TTN: variants seen among roughly 807,000 people sequenced by gnomAD.
TTN encodes connectin.
TTN carries 1,525 observed loss-of-function variants against 3,223.0 expected under a neutral mutation model. The observed-to-expected ratio is 0.47, with a 90% CI of 0.45 to 0.49. The LOEUF is 0.49. TTN is among the 20% of genes least tolerant of loss of function. TTN has a pLI of 0.00. For synonymous variants in TTN, 14,094 were observed against 15,161.0 expected, an observed-to-expected ratio of 0.93 and a Z score of 5.17; for missense variants, 40,786 against 43,424.0, an observed-to-expected ratio of 0.94 and a Z score of 5.40.
chr2:178,554,217 CTATT>C lies in TTN; in HGVS notation c.88895-5_88895-2del, dbSNP rs1346920803. ...GGTATGCCTGGTGGCCCAGGTGTAA[CTATT>C]TAGAAAGGAAGGGAAAACAAGGTAC... On this transcript the variant is annotated splice_acceptor_variant and splice_polypyrimidine_tract_variant and intron_variant, in intron 332 of 362. Transcript: ENST00000589042. LOFTEE classifies it high-confidence loss of function. The C allele has an allele frequency of 3.2e-6, 5 of 1,578,706 alleles. No individual in the cohort carries two copies. Among genetic ancestry groups the C allele is most frequent in the East Asian group, 2.2e-5 (1 of 44,632 alleles).
Position 178,678,479 on chromosome 2 carries a change from T to C in TTN, c.33845A>G (p.Lys11282Arg), listed in dbSNP as rs1283998479. 2 of 1,591,002 alleles carry C rather than the reference T, an allele frequency of 1.3e-6. No individual in the cohort carries two copies. The highest frequency in any genetic ancestry group is 2.3e-5 in the South Asian group (2 of 85,922). The change falls in exon 144 of 363, where the codon AAG becomes AGG. Residue 11282 changes from lysine to arginine, a missense_variant. Lys to Arg is a conservative substitution (Grantham distance 26). Coordinates refer to ENST00000589042, the MANE Select transcript of TTN (RefSeq NM_001267550.2). Reference protein sequence around the residue: ...PPAKVPEVPKKPVPEKKVPVP... With the variant: ...PPAKVPEVPKRPVPEKKVPVP... ...TGGCACCTTCTTCTCAGGCACAGGCTTCTTGGGTACCTCTGGCACTTTAAC... is the reference window on the plus strand; with the variant it reads ...TGGCACCTTCTTCTCAGGCACAGGCCTCTTGGGTACCTCTGGCACTTTAAC...
chr2:178,677,256 C>T lies in TTN; in HGVS notation c.34323G>A (p.Glu11441=). Residue 11441 remains glutamate (E), a synonymous_variant, in exon 147 of 363, where the codon GAG becomes GAA. Transcript: ENST00000589042. ...VPEVPKKPVP[E]KKVPVPAPKK... ...TAGGGGCGGGAACAGGGACTTTCTTCTCTGGTACAGGTTTCTTTGGCACTT... is the reference window on the plus strand; with the variant it reads ...TAGGGGCGGGAACAGGGACTTTCTTTTCTGGTACAGGTTTCTTTGGCACTT... The T allele has an allele frequency of 8.2e-7, 1 of 1,217,740 alleles. No individual in the cohort carries two copies. Among genetic ancestry groups the T allele is most frequent in the Non-Finnish European group, 1.0e-6 (1 of 981,062 alleles). 75.4% of individuals were successfully genotyped at this position (1,217,740 alleles called of 1,614,324 possible).
At position 178,587,596 on chromosome 2, in the gene TTN, C is replaced by T. The variant is rs544396866; in HGVS notation, c.63713G>A (p.Arg21238His). The T allele has an allele frequency of 1.2e-5, 19 of 1,612,534 alleles. No homozygotes were observed. The South Asian group carries it at 1.3e-4, about 11-fold the overall frequency. Residue 21238 changes from arginine to histidine, a missense_variant, in exon 306 of 363, where the codon CGT becomes CAT. By Grantham distance (29) the Arg-to-His change is conservative (BLOSUM62 0). Coordinates refer to ENST00000589042, the MANE Select transcript of TTN (RefSeq NM_001267550.2). ...TAAGGAATATTTTCCTGAGTCATCACGGGTAGAATTGGGGATGACAAGGAA... is the reference window on the plus strand; with the variant it reads ...TAAGGAATATTTTCCTGAGTCATCATGGGTAGAATTGGGGATGACAAGGAA... ...MAFLVIPNST[R>H]DDSGKYSLTL...
chr2:178,752,814 G>A (rs547426236), intron 47 of TTN, among the ~76,000 whole-genome samples: 12 of 151,968 alleles, frequency 7.9e-5, no homozygotes, highest in Non-Finnish European at 1.5e-4. Context: ...TCTACTTCAT[G>A]ATTTCATGCA....
At chr2:178,619,588 A>C (rs577437563) in intron 250 of TTN, 33 bp downstream of exon 250, 1 of 1,600,216 alleles carries the variant, frequency 6.2e-7, no homozygotes, top group African/African-American at 1.4e-5. Flanking sequence ...ACTCTGTGAT[A>C]TTGGAAGGAT....
rs773592810 is a variant in TTN, at chr2:178,576,727, C to T, written c.69517G>A (p.Gly23173Arg). 43 of 1,613,378 alleles carry T rather than the reference C, an allele frequency of 2.7e-5. No individual in the cohort carries two copies. Among genetic ancestry groups the T allele is most frequent in the Non-Finnish European group, 3.6e-5 (42 of 1,179,618 alleles). Residue 23173 changes from glycine (G) to arginine (R), a missense_variant, in exon 325 of 363, where the codon GGA becomes AGA. Coordinates refer to ENST00000589042, the MANE Select transcript of TTN (RefSeq NM_001267550.2). The surrounding 1 kb of genome is among the most constrained non-coding windows in gnomAD (Gnocchi z 4.3). ...TTTTCTCTCCTTTCTACATGATATCCTGTAATTTCGCTGCCACCATCATCC... is the reference window on the plus strand; with the variant it reads ...TTTTCTCTCCTTTCTACATGATATCTTGTAATTTCGCTGCCACCATCATCC... ...PVDDGGSEIT[G>R]YHVERREKKS...
In TTN at chr2:178,560,098, A is replaced by G. The variant is rs879200318; in HGVS notation, c.86034T>C (p.Asp28678=). The change falls in exon 326 of 363, where the codon GAT becomes GAC. Residue 28678 remains aspartate (D), a synonymous_variant. Transcript: ENST00000589042. ...ITIAWVKPLF[D]GGAPITGYTV... Reference sequence around the variant, plus strand: ...TATATCCAGTTATCGGGGCCCCACCATCAAACAGCGGCTTAACCCAGGCAA... The same window carrying G: ...TATATCCAGTTATCGGGGCCCCACCGTCAAACAGCGGCTTAACCCAGGCAA... 1.9e-6 allele frequency: 3 copies of G among 1,613,582 alleles called. No individual in the cohort carries two copies. Among genetic ancestry groups the G allele is most frequent in the African/African-American group, 2.7e-5 (2 of 74,892 alleles).
At chr2:178,538,381 C>T in intron 354 of TTN, 159 bp downstream of exon 354, 1 of 677,914 alleles carries the variant, frequency 1.5e-6, no homozygotes, top group Non-Finnish European at 2.3e-6. Flanking sequence ...GGAATGGTTT[C>T]CTGTAGAACT....
At chr2:178,697,245 CATT>C in intron 112 of TTN, 77 bp from the exon 113 acceptor site, 3 of 1,235,910 alleles carry the variant, frequency 2.4e-6, no homozygotes, top group South Asian at 1.8e-5. Context: ...TCCTCCACAT[CATT>C]GTTAGTTGTT....
Position 178,773,351 on chromosome 2 carries a change from C to A in TTN, c.7613G>T (p.Gly2538Val). Reference protein sequence around the residue: ...LSVEKIKIIRGLRDLTCTETQ... With the variant: ...LSVEKIKIIRVLRDLTCTETQ... The stretch of plus-strand genomic sequence containing the variant: ...TTCTGTACAGGTAAGGTCACGAAGA[C>A]CTCTGATAATTTTAATTTCTGGGGA... Residue 2538 changes from glycine to valine, a missense_variant, in exon 33 of 363, where the codon GGT becomes GTT. Physicochemically the swap from Gly to Val is moderately radical, Grantham distance 109. Coordinates refer to ENST00000589042, the MANE Select transcript of TTN (RefSeq NM_001267550.2). 1.2e-6 allele frequency: 2 copies of A among 1,613,930 alleles called. No homozygotes were observed. Among genetic ancestry groups the A allele is most frequent in the Non-Finnish European group, 1.7e-6 (2 of 1,179,978 alleles).
At chr2:178,687,659 C>T (rs1254638008) in intron 127 of TTN, among the ~76,000 whole-genome samples, 3 of 151,860 alleles carry the variant, frequency 2.0e-5, no homozygotes, top group Non-Finnish European at 4.4e-5. Flanking sequence ...TTTTAAATGC[C>T]TAGAATAAAA....
At chr2:178,749,372 G>T in intron 47 of TTN, 1 of 1,612,998 alleles carries the variant, frequency 6.2e-7, no homozygotes. Flanking sequence ...GATTTTTATG[G>T]TTCTTGAAGC....
intron 6 of TTN, among the ~76,000 whole-genome samples, chr2:178,798,280 C>A (rs1287290136): frequency 6.6e-6 from 1 of 152,060 alleles, no homozygotes; most frequent in Non-Finnish European, 1.5e-5. Flanking sequence ...ATAAACACTT[C>A]TTTGCTCAAA....
Position 178,678,746 on chromosome 2 carries a change from C to G in TTN, c.33826+1G>C. The G allele has an allele frequency of 6.2e-7, 1 of 1,600,884 alleles. No individual in the cohort carries two copies. The highest frequency in any genetic ancestry group is 8.5e-7 in the Non-Finnish European group (1 of 1,175,630). On this transcript the variant is annotated splice_donor_variant, in intron 143 of 362. Transcript: ENST00000589042. LOFTEE classifies it high-confidence loss of function. ...TATTGCAACATTGCAAGTTCATGTA[C>G]CTTTGGCAGGTGGAGCTTCCACCTT...
chr2:178,530,404 A>G lies in TTN; in HGVS notation c.106211T>C (p.Val35404Ala), dbSNP rs1688584053. The change falls in exon 358 of 363, where the codon GTA (valine) becomes GCA (alanine). Residue 35404 changes from valine to alanine, a missense_variant. Physicochemically the swap from Val to Ala is moderately conservative, Grantham distance 64. Coordinates refer to ENST00000589042, the MANE Select transcript of TTN (RefSeq NM_001267550.2). ...AGCTTTTGGTTCAGTTTTTCTGGTT[A>G]CTGTTGACTCAGTGGTTTTCTGATC... ...KSDQKTTEST[V>A]TRKTEPKAPE... 2 of 1,613,950 alleles carry G rather than the reference A, an allele frequency of 1.2e-6. No homozygotes were observed. Among genetic ancestry groups the G allele is most frequent in the East Asian group, 2.2e-5 (1 of 44,872 alleles).
chr2:178,752,252 T>G (rs2085757218), intron 47 of TTN, among the ~76,000 whole-genome samples: 1 of 152,058 alleles, frequency 6.6e-6, no homozygotes, highest in Non-Finnish European at 1.5e-5. Context: ...TCTGGTCTTT[T>G]CTTCAAACTG....
rs766522121 is a variant in TTN at position 178,584,408 on chromosome 2, G to A, written c.65143C>T (p.Arg21715Trp). The A allele has an allele frequency of 2.5e-5, 40 of 1,613,156 alleles. No individual in the cohort carries two copies. The highest frequency in any genetic ancestry group is 1.5e-4 in the African/African-American group (11 of 74,866). ...CCAGCACAAGGATATTCAGTTGACC[G>A]GACAAGAGTATCATTGGCTTTCACC... ...LWVKANDTLV[R>W]STEYPCAGLV... The change falls in exon 311 of 363, where the codon CGG becomes TGG. Residue 21715 changes from arginine (R) to tryptophan (W), a missense_variant. Coordinates refer to ENST00000589042, the MANE Select transcript of TTN (RefSeq NM_001267550.2).
Position 178,527,078 on chromosome 2 carries a change from G to T in TTN, c.107910C>A (p.Thr35970=). 1 of 1,613,834 alleles carries T rather than the reference G, an allele frequency of 6.2e-7. No homozygotes were observed. Among genetic ancestry groups the T allele is most frequent in the South Asian group, 1.1e-5 (1 of 91,060 alleles). The change falls in exon 363 of 363, where the codon ACC becomes ACA. Residue 35970 remains threonine (T), a synonymous_variant. Transcript: ENST00000589042. ...ATCCAAATTCATTCCCTAAACTCAG[G>T]GTATAAAGTCCACCATCTTGTTTCT... ...DVQKQDGGLY[T]LSLGNEFGSD...
At chr2:178,547,331 A>G in intron 339 of TTN, 26 bp from the exon 340 acceptor site, 3 of 1,579,538 alleles carry the variant, frequency 1.9e-6, no homozygotes, top group South Asian at 1.2e-5. Context: ...GGTATTAAGT[A>G]TGAATACAAT....
Sources: allele counts gnomAD v4.1 joint callset (sites outside exome capture counted in the v4.1 genomes callset), GRCh38; gene constraint gnomAD v4.1.1; non-coding constraint Gnocchi (gnomAD v3.1); transcripts MANE v1.5; gene names NCBI Gene and HGNC (gene_info 2026-07-23, HGNC 2026-07-21).